Variants in MIER1 observed in about 807,000 individuals in gnomAD.
The protein encoded by MIER1 is MIER1 transcriptional regulator.
MIER1 carries 40 observed loss-of-function variants against 75.7 expected under a neutral mutation model. That is an observed-to-expected ratio of 0.53 (90% confidence interval 0.41 to 0.69). The LOEUF (loss-of-function observed/expected upper bound fraction) is 0.69. Among genes scored for constraint, MIER1 ranks in the 30% least tolerant of loss-of-function variants. The probability of loss-of-function intolerance (pLI) is 0.00; values close to 1 mark genes in which losing one functional copy is unlikely to be tolerated. For synonymous variants in MIER1, 213 were observed against 223.4 expected (o/e 0.95, Z 0.42); for missense variants, 574 against 680.2 (o/e 0.84, Z 1.74).
intron 4 of MIER1, 89 bp from the exon 5 acceptor site, chr1:66,957,970 G>A: frequency 2.8e-6 from 2 of 722,612 alleles, no homozygotes; most frequent in Non-Finnish European, 4.3e-6. Context: ...CTTCACTATA[G>A]AATGAATACT....
At chr1:66,969,894 G>A (rs1663256514) in intron 8 of MIER1, among the ~76,000 whole-genome samples, 1 of 152,114 alleles carries the variant, frequency 6.6e-6, no homozygotes. Flanking sequence ...TCTACAGAAA[G>A]TTCTCACAAC....
At chr1:66,972,779 C>G (rs548096079) in intron 10 of MIER1, 118 bp from the exon 11 acceptor site, 7 of 595,454 alleles carry the variant, frequency 1.2e-5, no homozygotes, top group African/African-American at 5.7e-5. Context: ...AGTAATAGAG[C>G]TCAGGAGTAA....
intron 2 of MIER1, chr1:66,930,197 C>T (rs1476475539): frequency 1.5e-6 from 2 of 1,367,238 alleles, no homozygotes; most frequent in South Asian, 3.4e-5. Flanking sequence ...CCAGCCCAGC[C>T]GGGGCGCCGC....
intron 7 of MIER1, among the ~76,000 whole-genome samples, chr1:66,960,451 CAGTTA>C (rs1275044007): frequency 3.9e-5 from 6 of 152,006 alleles, no homozygotes; most frequent in Non-Finnish European, 8.8e-5. Flanking sequence ...ATTAATCATA[CAGTTA>C]AGTTAAAGAA....
At position 66,955,603 on chromosome 1, in the gene MIER1, G is replaced by T. The variant is rs534861791; in HGVS notation, c.340-2456G>T. Among the ~76,000 whole-genome samples, 4 of 152,188 alleles carry T rather than the reference G, an allele frequency of 2.6e-5. No homozygotes were observed. In the East Asian group the frequency reaches 7.7e-4, roughly 29 times the overall value. On this transcript the variant is annotated intron_variant, in intron 4 of 13. Coordinates refer to ENST00000401041, the MANE Select transcript of MIER1 (RefSeq NM_001077700.3). ...AGAGCATGGCTATGTAATTAGCTGT[G>T]TGGTTTCAAAGGATTAGTTATAACA...
chr1:66,969,505 A>G (rs1663135169), intron 8 of MIER1, among the ~76,000 whole-genome samples: 1 of 127,094 alleles, frequency 7.9e-6, no homozygotes, highest in African/African-American at 2.9e-5. Context: ...AGATCGCGCC[A>G]CTGCACTCCA....
At chr1:66,981,510 C>T (rs1177012304) in intron 12 of MIER1, among the ~76,000 whole-genome samples, 1 of 152,180 alleles carries the variant, frequency 6.6e-6, no homozygotes, top group African/African-American at 2.4e-5. Flanking sequence ...CCACTCTGAG[C>T]ACCTGCCTAC....
intron 11 of MIER1, among the ~76,000 whole-genome samples, chr1:66,973,281 A>G (rs1055052040): frequency 2.2e-4 from 34 of 152,090 alleles, no homozygotes; most frequent in African/African-American, 8.0e-4. Flanking sequence ...GCAATTCTTT[A>G]TAGCTGTTTT....
At chr1:66,979,853 C>T (rs112154079) in intron 12 of MIER1, among the ~76,000 whole-genome samples, 1 of 151,990 alleles carries the variant, frequency 6.6e-6, no homozygotes, top group Non-Finnish European at 1.5e-5. Flanking sequence ...CAACCTCCAC[C>T]GCCCGGGTTG....
Position 66,947,028 on chromosome 1 carries a change from C to G in MIER1, c.339+733C>G, listed in dbSNP as rs369583977. On this transcript the variant is annotated intron_variant, in intron 4 of 13. Coordinates refer to ENST00000401041, the MANE Select transcript of MIER1 (RefSeq NM_001077700.3). Reference sequence around the variant, plus strand: ...TGTCTCTGTCTGGATCAGTGCTCCTCAAAATGTAGTATGAGGGTCAGTTGC... The same window carrying G: ...TGTCTCTGTCTGGATCAGTGCTCCTGAAAATGTAGTATGAGGGTCAGTTGC... The G allele has an allele frequency of 4.8e-5, 47 of 984,042 alleles. No homozygotes were observed. In the East Asian group the frequency reaches 1.0e-3, roughly 21 times the overall value. The allele number at this position is 984,042 out of a possible 1,614,324, so 61.0% of individuals were successfully genotyped here.
In MIER1 at chr1:66,966,763, G is replaced by A. The variant is rs551885594; in HGVS notation, c.772+3603G>A. On this transcript the variant is annotated intron_variant, in intron 8 of 13. Transcript: ENST00000401041. ...TGAGATGGTATCTCATTGTGGTTTT[G>A]ATGCATTCATCTGTTGATGGACACT... 3.0e-4 allele frequency among the ~76,000 whole-genome samples: 46 copies of A among 152,270 alleles called. No homozygotes were observed. The South Asian group carries it at 9.3e-3, about 31-fold the overall frequency.
chr1:66,963,003 C>G, intron 7 of MIER1, 85 bp from the exon 8 acceptor site: 1 of 882,532 alleles, frequency 1.1e-6, no homozygotes, highest in Non-Finnish European at 1.8e-6. Flanking sequence ...AAACCAGGAA[C>G]AGTTTACTAA....
intron 4 of MIER1, among the ~76,000 whole-genome samples, chr1:66,953,628 G>A (rs944881858): frequency 1.3e-5 from 2 of 149,448 alleles, no homozygotes; most frequent in African/African-American, 5.0e-5. Flanking sequence ...TCTTGAGACA[G>A]GGTCTCACTC....
Position 66,958,205 on chromosome 1 carries a change from T to C in MIER1, c.486T>C (p.Cys162=), listed in dbSNP as rs755398834. The change falls in exon 5 of 14, where the codon TGT becomes TGC. Residue 162 remains cysteine, a synonymous_variant. Transcript: ENST00000401041. ...CTGATAATGATGACAACAGTGGCTGTAGTGGGGAAAATAAAGTAAGTCTAT... is the reference window on the plus strand; with the variant it reads ...CTGATAATGATGACAACAGTGGCTGCAGTGGGGAAAATAAAGTAAGTCTAT... ...EDADNDDNSG[C]SGENKEENIK... The C allele has an allele frequency of 6.2e-7, 1 of 1,602,240 alleles. No individual in the cohort carries two copies. The highest frequency in any genetic ancestry group is 2.2e-5 in the East Asian group (1 of 44,744).
At chr1:66,976,791 T>C (rs927703912) in intron 12 of MIER1, 69 bp downstream of exon 12, 6 of 1,291,256 alleles carry the variant, frequency 4.6e-6, no homozygotes, top group Admixed American at 2.7e-5. Flanking sequence ...TTTCTTGAGT[T>C]AATTATTATT....
At chr1:66,940,872 G>A (rs1455223609) in intron 3 of MIER1, among the ~76,000 whole-genome samples, 1 of 152,144 alleles carries the variant, frequency 6.6e-6, no homozygotes, top group Non-Finnish European at 1.5e-5. Context: ...CAAGAGAAAT[G>A]GGACTGCCTT....
At chr1:66,926,279 A>C (rs1350867247) in intron 2 of MIER1, 37 bp downstream of exon 2, 5 of 1,427,198 alleles carry the variant, frequency 3.5e-6, no homozygotes, top group Non-Finnish European at 5.0e-6. Flanking sequence ...AGGGAGGGAA[A>C]ATCCAAACTC....
At chr1:66,981,964 C>G (rs374876422) in intron 13 of MIER1, 46 bp downstream of exon 13, 17 of 1,600,314 alleles carry the variant, frequency 1.1e-5, no homozygotes, top group Admixed American at 1.7e-5. Context: ...ATAAGGGACA[C>G]TTTCTTGCAG....
intron 2 of MIER1, among the ~76,000 whole-genome samples, chr1:66,933,858 G>C (rs1389036274): frequency 6.6e-6 from 1 of 152,150 alleles, no homozygotes; most frequent in South Asian, 2.1e-4. Context: ...TGGTAAGTGA[G>C]ACTAACCAGT....
Sources: gnomAD v4.1 joint callset for allele counts (sites outside exome capture counted in the v4.1 genomes callset) on GRCh38, gnomAD v4.1.1 for gene constraint, MANE v1.5 for transcripts, NCBI Gene and HGNC (gene_info 2026-07-23, HGNC 2026-07-21) for gene names.